SCAF8: variants seen among roughly 807,000 people sequenced by gnomAD.
SCAF8 encodes the protein SR-related and CTD-associated factor 8.
In SCAF8, 23 loss-of-function variants were observed where a neutral mutation model predicts 140.5. That is an observed-to-expected ratio of 0.16 (90% CI 0.12 to 0.23). SCAF8 has a LOEUF of 0.23. SCAF8 is among the 10% of genes least tolerant of loss of function. The probability of loss-of-function intolerance (pLI) is 1.00; values close to 1 mark genes in which losing one functional copy is unlikely to be tolerated. For missense variants in SCAF8, 1,397 were observed against 1,555.7 expected (o/e 0.90, Z 1.72); for synonymous variants, 575 against 528.9 (o/e 1.09, Z -1.20).
chr6:154,804,567 A>G (rs910120708), intron 8 of SCAF8, among the ~76,000 whole-genome samples: 2 of 152,154 alleles, frequency 1.3e-5, no homozygotes, highest in African/African-American at 4.8e-5. Flanking sequence ...TTCTATTAAT[A>G]TACACTGACC....
intron 1 of SCAF8, among the ~76,000 whole-genome samples, chr6:154,754,723 T>C (rs1037683231): frequency 6.6e-6 from 1 of 152,238 alleles, no homozygotes. Flanking sequence ...GTTTTATCCT[T>C]CCTTAGGCCT....
At position 154,795,433 on chromosome 6, in the gene SCAF8, T is replaced by C. The variant is rs561163912; in HGVS notation, c.606+294T>C. On this transcript the variant is annotated intron_variant, in intron 6 of 19. Coordinates refer to ENST00000367178, the MANE Select transcript of SCAF8 (RefSeq NM_014892.5). ...CTCCAGTAACAAGACAGGAGTCCTATCTTAGAGACCTCCTCCTATCTTAAG... is the reference window on the plus strand; with the variant it reads ...CTCCAGTAACAAGACAGGAGTCCTACCTTAGAGACCTCCTCCTATCTTAAG... Among the ~76,000 whole-genome samples the C allele has an allele frequency of 7.9e-4, 121 of 152,296 alleles. 1 individual carries two copies. Among genetic ancestry groups the C allele is most frequent in the Non-Finnish European group, 1.5e-3 (100 of 68,028 alleles).
chr6:154,742,488 T>G (rs1158695719), intron 1 of SCAF8, among the ~76,000 whole-genome samples: 2 of 152,238 alleles, frequency 1.3e-5, no homozygotes, highest in African/African-American at 4.8e-5. Context: ...TACTATTGAT[T>G]ATGAGAAATA....
Position 154,832,074 on chromosome 6 carries a change from C to A in SCAF8, c.2495C>A (p.Ser832Tyr), listed in dbSNP as rs765210566. ...TCTGAAATTCTTGGGGTCCGGCCAT[C>A]TAATGTTTCCAGTAGTTCTGGGATT... ...SNSEILGVRP[S>Y]NVSSSSGIIA... Residue 832 changes from serine to tyrosine, a missense_variant, in exon 20 of 20, where the codon TCT becomes TAT. Ser to Tyr is a moderately radical substitution (Grantham distance 144). This residue lies in a region of SCAF8 where 930 missense variants were observed against 874.6 expected (regional missense o/e 1.06). Coordinates refer to ENST00000367178, the MANE Select transcript of SCAF8 (RefSeq NM_014892.5). 5 of 1,614,116 alleles carry A rather than the reference C, an allele frequency of 3.1e-6. No homozygotes were observed. Among genetic ancestry groups the A allele is most frequent in the Non-Finnish European group, 3.4e-6 (4 of 1,179,996 alleles).
At chr6:154,816,555 C>G (rs1778256936) in intron 13 of SCAF8, among the ~76,000 whole-genome samples, 1 of 152,030 alleles carries the variant, frequency 6.6e-6, no homozygotes, top group Non-Finnish European at 1.5e-5. Flanking sequence ...GTTTTGTAGT[C>G]ATTTGTTTGG....
rs66980794 is a variant in SCAF8, at chr6:154,740,625, C to CTTT, written c.30+6707_30+6709dup. ...AGATTTTCTTTTTCTTTTTCTTTTT[C>CTTT]TTTTTTTTTTTTTTGAGACTGGGTC... On this transcript the variant is annotated intron_variant, in intron 1 of 19. Coordinates refer to ENST00000367178, the MANE Select transcript of SCAF8 (RefSeq NM_014892.5). Among the ~76,000 whole-genome samples the CTTT allele has an allele frequency of 3.0e-3, 414 of 138,522 alleles. 6 individuals are homozygous for CTTT. Among genetic ancestry groups the CTTT allele is most frequent in the Middle Eastern group, 0.015 (4 of 270 alleles). 90.9% of individuals were successfully genotyped at this position (138,522 alleles called of 152,430 possible).
At chr6:154,808,406 GC>G (rs1193752715) in intron 10 of SCAF8, among the ~76,000 whole-genome samples, 1 of 151,890 alleles carries the variant, frequency 6.6e-6, no homozygotes, top group African/African-American at 2.4e-5. Context: ...TTTGAATGCA[GC>G]CCAACACAAA....
At position 154,832,609 on chromosome 6, in the gene SCAF8, G is replaced by A. The variant is rs754615274; in HGVS notation, c.3030G>A (p.Gln1010=). ...RIPLGNDNIQ[Q]EGDRDYRFPP... ...CACTTGGGAATGATAACATTCAACA[G>A]GAAGGAGATAGAGATTACCGGTTTC... Residue 1010 remains glutamine, a synonymous_variant, in exon 20 of 20, where the codon CAG becomes CAA. Coordinates refer to ENST00000367178, the MANE Select transcript of SCAF8 (RefSeq NM_014892.5). The A allele has an allele frequency of 1.2e-5, 20 of 1,614,106 alleles. No homozygotes were observed. The South Asian group carries it at 2.1e-4, about 17-fold the overall frequency.
At chr6:154,803,680 C>G in intron 8 of SCAF8, 57 bp downstream of exon 8, 1 of 1,023,434 alleles carries the variant, frequency 9.8e-7, no homozygotes, top group Non-Finnish European at 1.5e-6. Flanking sequence ...ATGTTGCCAT[C>G]TGAATTACTA....
In SCAF8 at chr6:154,833,406, G is replaced by A; in HGVS notation, c.*11G>A. On this transcript the variant is annotated 3_prime_UTR_variant, in exon 20 of 20. Coordinates refer to ENST00000367178, the MANE Select transcript of SCAF8 (RefSeq NM_014892.5). ...ACTGAGGGGACATAATCATCACTCA[G>A]TAGGTAAAAGATACCTTTTGTAAAG... 2.5e-6 allele frequency: 4 copies of A among 1,604,416 alleles called. No individual in the cohort carries two copies. The highest frequency in any genetic ancestry group is 3.4e-6 in the Non-Finnish European group (4 of 1,176,330).
chr6:154,824,503 G>A (rs1033018853), intron 17 of SCAF8, 125 bp downstream of exon 17: 22 of 815,748 alleles, frequency 2.7e-5, no homozygotes, highest in African/African-American at 5.2e-5. Context: ...TTGTTAAAGC[G>A]CAGATTGCTG....
At chr6:154,803,783 A>G (rs1452752502) in intron 8 of SCAF8, among the ~76,000 whole-genome samples, 160 bp downstream of exon 8, 1 of 152,138 alleles carries the variant, frequency 6.6e-6, no homozygotes, top group African/African-American at 2.4e-5. Context: ...GTCTCTTTGT[A>G]TTATTTTGAG....
chr6:154,800,075 C>T (rs1051561910), intron 6 of SCAF8, among the ~76,000 whole-genome samples: 4 of 151,440 alleles, frequency 2.6e-5, no homozygotes, highest in African/African-American at 7.2e-5. Flanking sequence ...CATGAGCCAC[C>T]GCACCTGGCC....
At chr6:154,808,572 C>T (rs965674233) in intron 10 of SCAF8, 114 bp from the exon 11 acceptor site, 1 of 692,054 alleles carries the variant, frequency 1.4e-6, no homozygotes, top group Non-Finnish European at 2.5e-6. Context: ...ATTGGACACC[C>T]CTGTATTAGG....
At chr6:154,762,972 C>G (rs1323429358) in intron 1 of SCAF8, among the ~76,000 whole-genome samples, 2 of 152,070 alleles carry the variant, frequency 1.3e-5, no homozygotes, top group Admixed American at 6.5e-5. Context: ...GTCATTCCTG[C>G]CCTGTAATAC....
At position 154,792,720 on chromosome 6, in the gene SCAF8, T is replaced by C. The variant is rs1030298930; in HGVS notation, c.322-103T>C. On this transcript the variant is annotated intron_variant, in intron 4 of 19. Transcript: ENST00000367178. ...GGCTAGAAAGTACCATTGAAGTATT[T>C]TAATTTCTCCTTTCCATCCAGGGCC... The C allele has an allele frequency of 2.5e-5, 19 of 754,242 alleles. No individual in the cohort carries two copies. The South Asian group carries it at 4.6e-4, about 18-fold the overall frequency. 46.7% of individuals were successfully genotyped at this position (754,242 alleles called of 1,614,324 possible).
chr6:154,750,761 G>A (rs1778817450), intron 1 of SCAF8, among the ~76,000 whole-genome samples: 1 of 152,000 alleles, frequency 6.6e-6, no homozygotes, highest in Non-Finnish European at 1.5e-5. Context: ...TGTGTACATG[G>A]AATTGTGCAT....
chr6:154,736,344 C>CA (rs1457745810), intron 1 of SCAF8, among the ~76,000 whole-genome samples: 5 of 145,274 alleles, frequency 3.4e-5, no homozygotes, highest in Non-Finnish European at 4.5e-5. Flanking sequence ...GATCTTGGCT[C>CA]AATGCAACCT....
intron 17 of SCAF8, 113 bp downstream of exon 17, chr6:154,824,491 C>T (rs1213106484): frequency 1.0e-5 from 10 of 955,608 alleles, no homozygotes; most frequent in Non-Finnish European, 1.6e-5. Flanking sequence ...GCATGCATAG[C>T]CTTGTTAAAG....
Sources: allele counts gnomAD v4.1 joint callset (sites outside exome capture counted in the v4.1 genomes callset), GRCh38; gene constraint gnomAD v4.1.1; regional missense constraint gnomAD v4.1.1; transcripts MANE v1.5; gene names NCBI Gene and HGNC (gene_info 2026-07-23, HGNC 2026-07-21).